MTRF1L: variants seen among roughly 807,000 people sequenced by gnomAD.
The protein encoded by MTRF1L is mitochondrial translation release factor 1 like.
Under a neutral mutation model 40.0 loss-of-function variants are expected in MTRF1L, and 29 were observed. The ratio of observed to expected loss-of-function variants is 0.73; its 90% CI spans 0.54 to 0.99. The LOEUF is 0.99. MTRF1L is among the 50% of genes least tolerant of loss of function. The probability of loss-of-function intolerance (pLI) is 0.00; values close to 1 mark genes in which losing one functional copy is unlikely to be tolerated. For synonymous variants in MTRF1L, 150 were observed against 175.8 expected (o/e 0.85, Z 1.16); for missense variants, 412 against 464.5 (o/e 0.89, Z 1.04).
rs1420227385 is a variant in MTRF1L, at chr6:152,989,796, T to C, written c.*99A>G. 3.6e-6 allele frequency: 5 copies of C among 1,373,850 alleles called. No homozygotes were observed. The Admixed American group carries it at 1.4e-4, about 38-fold the overall frequency. 85.1% of individuals were successfully genotyped at this position (1,373,850 alleles called of 1,614,324 possible). A position where few individuals can be genotyped will look rare whatever the true frequency, so the allele number is the denominator to read the frequency against. ...ATATGCATATTACCTCCAACTGTGT[T>C]AACTCAACGTTTTTCAAGAGAGTAA... On this transcript the variant is annotated 3_prime_UTR_variant, in exon 7 of 7. Coordinates refer to ENST00000367233, the MANE Select transcript of MTRF1L (RefSeq NM_019041.7).
intron 4 of MTRF1L, among the ~76,000 whole-genome samples, chr6:152,993,403 T>C (rs1584096963): frequency 8.7e-6 from 1 of 115,386 alleles, no homozygotes; most frequent in South Asian, 4.2e-4. Context: ...ATTTCAAACA[T>C]ATTTGGAGGC....
chr6:153,002,296 A>G, intron 1 of MTRF1L, 131 bp downstream of exon 1: 2 of 1,361,378 alleles, frequency 1.5e-6, no homozygotes, highest in Non-Finnish European at 2.1e-6. Context: ...TGATGTCCTG[A>G]CCTCTGATCC....
chr6:152,990,163 T>C (rs1177282842), intron 6 of MTRF1L, 68 bp from the exon 7 acceptor site: 1 of 1,557,764 alleles, frequency 6.4e-7, no homozygotes, highest in African/African-American at 1.4e-5. Flanking sequence ...ATTTAACTTA[T>C]TTGGAGACTT....
Position 153,002,583 on chromosome 6 carries a change from C to T in MTRF1L, c.103G>A (p.Glu35Lys), listed in dbSNP as rs1004217601. ...AAGGGCCCGCCCCGGGTGAACAGCT[C>T]CTCCAGCGGCGGGCTACCGGAGCTC... is the stretch of plus-strand genomic sequence containing the variant. ...PLSSGSPPLE[E>K]LFTRGGPLRT... The change falls in exon 1 of 7, where the codon GAG (glutamate) becomes AAG (lysine). Residue 35 changes from glutamate (E) to lysine (K), a missense_variant. Glu to Lys is a moderately conservative substitution (Grantham distance 56). Transcript: ENST00000367233. 2 of 1,560,056 alleles carry T rather than the reference C, an allele frequency of 1.3e-6. No homozygotes were observed. Among genetic ancestry groups the T allele is most frequent in the Non-Finnish European group, 1.7e-6 (2 of 1,153,516 alleles).
chr6:153,001,454 A>G (rs1218608054), intron 1 of MTRF1L, among the ~76,000 whole-genome samples: 1 of 152,194 alleles, frequency 6.6e-6, no homozygotes, highest in Admixed American at 6.5e-5. Flanking sequence ...CTCCTATGTC[A>G]GTAATTTTTT....
intron 1 of MTRF1L, among the ~76,000 whole-genome samples, chr6:152,999,361 T>C (rs1251440329): frequency 6.6e-6 from 1 of 152,206 alleles, no homozygotes; most frequent in Admixed American, 6.5e-5. Flanking sequence ...TTACAAAGCA[T>C]CAGTTTGTAT....
chr6:152,999,982 A>AC (rs1778855529), intron 1 of MTRF1L, among the ~76,000 whole-genome samples: 2 of 152,236 alleles, frequency 1.3e-5, no homozygotes, highest in African/African-American at 4.8e-5. Context: ...CAACAGCAAA[A>AC]CTGAGATAAG....
At chr6:152,996,938 GT>G (rs1474816194) in intron 2 of MTRF1L, among the ~76,000 whole-genome samples, 1 of 152,164 alleles carries the variant, frequency 6.6e-6, no homozygotes, top group Non-Finnish European at 1.5e-5. Context: ...GTGCTAACTT[GT>G]TATAACAAGT....
Position 152,989,936 on chromosome 6 carries a change from C to G in MTRF1L, c.1102G>C (p.Asp368His). The G allele has an allele frequency of 6.2e-7, 1 of 1,613,330 alleles. No individual in the cohort carries two copies. Among genetic ancestry groups the G allele is most frequent in the Non-Finnish European group, 8.5e-7 (1 of 1,179,762 alleles). ...ATAATTTCTACTAAAGATTCATAAT[C>G]GGCGTATTCCTTCAATGACTGTACA... Reference protein sequence around the residue: ...ELVQSLKEYADYESLVEIISQ... With the variant: ...ELVQSLKEYAHYESLVEIISQ... Residue 368 changes from aspartate (D) to histidine (H), a missense_variant, in exon 7 of 7, where the codon GAT (aspartate) becomes CAT (histidine). By Grantham distance (81) the Asp-to-His change is moderately conservative (BLOSUM62 -1). Transcript: ENST00000367233.
intron 3 of MTRF1L, 121 bp from the exon 4 acceptor site, chr6:152,994,797 CTG>C: frequency 9.5e-6 from 11 of 1,163,922 alleles, no homozygotes; most frequent in Non-Finnish European, 1.2e-5. Context: ...AACATGGAGA[CTG>C]TAAAACATAT....
intron 1 of MTRF1L, 95 bp downstream of exon 1, chr6:153,002,332 A>G (rs1322710006): frequency 1.9e-6 from 3 of 1,559,458 alleles, no homozygotes; most frequent in Middle Eastern, 1.7e-4. Context: ...GCAAGTGAGT[A>G]AAGAGTTTCA....
At chr6:152,996,849 G>A (rs894855430) in intron 2 of MTRF1L, among the ~76,000 whole-genome samples, 2 of 152,124 alleles carry the variant, frequency 1.3e-5, no homozygotes, top group Non-Finnish European at 2.9e-5. Context: ...TGGCCCTGAG[G>A]AGCTCACAGT....
chr6:152,997,409 A>C, intron 2 of MTRF1L, among the ~76,000 whole-genome samples: 1 of 152,236 alleles, frequency 6.6e-6, no homozygotes, highest in African/African-American at 2.4e-5. Context: ...AGCTGGAGGC[A>C]AGAGCAGAGC....
intron 1 of MTRF1L, among the ~76,000 whole-genome samples, chr6:153,000,867 A>ATTTTTTTTT (rs10536494): frequency 1.0e-5 from 1 of 100,482 alleles, no homozygotes; most frequent in Non-Finnish European, 1.9e-5. Context: ...GGTACTACGG[A>ATTTTTTTTT]TTTTTTTTTT....
In MTRF1L at chr6:152,992,982, G is replaced by A. The variant is rs1778582545; in HGVS notation, c.688-8C>T. 6.2e-7 allele frequency: 1 copy of A among 1,607,462 alleles called. No homozygotes were observed. Among genetic ancestry groups the A allele is most frequent in the African/African-American group, 1.3e-5 (1 of 74,762 alleles). On this transcript the variant is annotated splice_polypyrimidine_tract_variant and splice_region_variant and intron_variant, in intron 4 of 6. Coordinates refer to ENST00000367233, the MANE Select transcript of MTRF1L (RefSeq NM_019041.7). ...ATTAATCACCAGATTAATCTATACA[G>A]AAGAAAAGTTGGGATTTTAAAAGAT...
chr6:152,997,956 C>G (rs942039768), intron 2 of MTRF1L, among the ~76,000 whole-genome samples: 2 of 152,052 alleles, frequency 1.3e-5, no homozygotes, highest in African/African-American at 4.8e-5. Flanking sequence ...CCAGGACCCT[C>G]AGTTCTTTAG....
chr6:152,991,355 T>TA lies in MTRF1L; in HGVS notation c.806-35dup, dbSNP rs769256400. ...TGTTACGAGAATTAAAAAGTTTTAATAAAAAAATCTTCTTTACTTATTATC... is the reference window on the plus strand; with the variant it reads ...TGTTACGAGAATTAAAAAGTTTTAATAAAAAAAATCTTCTTTACTTATTATC... On this transcript the variant is annotated intron_variant, in intron 5 of 6. Transcript: ENST00000367233. 15 of 1,532,942 alleles carry TA rather than the reference T, an allele frequency of 9.8e-6. No homozygotes were observed. In the East Asian group the frequency reaches 1.9e-4, roughly 19 times the overall value. The allele number at this position is 1,532,942 out of a possible 1,614,324, so 95.0% of individuals were successfully genotyped here. A position where few individuals can be genotyped will look rare whatever the true frequency, so the allele number is the denominator to read the frequency against.
Position 153,002,643 on chromosome 6 carries a change from G to A in MTRF1L, c.43C>T (p.Pro15Ser). The A allele has an allele frequency of 6.6e-7, 1 of 1,515,920 alleles. No individual in the cohort carries two copies. Among genetic ancestry groups the A allele is most frequent in the Middle Eastern group, 2.3e-4 (1 of 4,308 alleles). The allele number at this position is 1,515,920 out of a possible 1,614,324, so 93.9% of individuals were successfully genotyped here. A position where few individuals can be genotyped will look rare whatever the true frequency, so the allele number is the denominator to read the frequency against. Residue 15 changes from proline to serine, a missense_variant, in exon 1 of 7, where the codon CCC (proline) becomes TCC (serine). Coordinates refer to ENST00000367233, the MANE Select transcript of MTRF1L (RefSeq NM_019041.7). ...CGGGCTGGGCCAACGGCCCGGCGGGGCCAGAGCCACCGGGCAGCGCCCCAC... is the reference window on the plus strand; with the variant it reads ...CGGGCTGGGCCAACGGCCCGGCGGGACCAGAGCCACCGGGCAGCGCCCCAC... ...VLWGAARWLW[P>S]RRAVGPARRP...
At chr6:152,991,018 A>G (rs1014789963) in intron 6 of MTRF1L, among the ~76,000 whole-genome samples, 167 bp downstream of exon 6, 2 of 152,192 alleles carry the variant, frequency 1.3e-5, no homozygotes, top group Non-Finnish European at 2.9e-5. Flanking sequence ...TATAGAAAAC[A>G]GGGCAGAGAT....
Sources: allele counts gnomAD v4.1 joint callset (sites outside exome capture counted in the v4.1 genomes callset), GRCh38; gene constraint gnomAD v4.1.1; transcripts MANE v1.5; gene names NCBI Gene and HGNC (gene_info 2026-07-23, HGNC 2026-07-21).